ARL15: variants seen among roughly 807,000 people sequenced by gnomAD.
The protein encoded by ARL15 is ADP-ribosylation factor-like protein 15.
Under a neutral mutation model 25.2 loss-of-function variants are expected in ARL15, and 19 were observed. The ratio of observed to expected loss-of-function variants is 0.75; its 90% CI spans 0.53 to 1.10. The LOEUF is 1.10. ARL15 is among the 50% of genes least tolerant of loss of function. ARL15 has a pLI of 0.00. For synonymous variants in ARL15, 94 were observed against 86.8 expected (o/e 1.08, Z -0.46); for missense variants, 220 against 246.0 (o/e 0.89, Z 0.71).
chr5:54,137,266 A>T (rs1753632650), intron 3 of ARL15, among the ~76,000 whole-genome samples: 2 of 152,152 alleles, frequency 1.3e-5, no homozygotes, highest in Non-Finnish European at 2.9e-5. Context: ...GCCGTCCTGC[A>T]CTTGCCCCTT....
At position 54,114,406 on chromosome 5, in the gene ARL15, G is replaced by GAAAAAAA. The variant is rs1171369744; in HGVS notation, c.254-1003_254-997dup. ...GCAACACAGCAAGGCTCCATCTCAA[G>GAAAAAAA]AAAAAAAAAAAAAAAAGCAACACCA... is the stretch of plus-strand genomic sequence containing the variant. On this transcript the variant is annotated intron_variant, in intron 3 of 4. Transcript: ENST00000504924. Among the ~76,000 whole-genome samples, 5 of 74,478 alleles carry GAAAAAAA rather than the reference G, an allele frequency of 6.7e-5. 1 individual carries two copies. The highest frequency in any genetic ancestry group is 2.8e-4 in the African/African-American group (5 of 17,562). 48.9% of individuals were successfully genotyped at this position (74,478 alleles called of 152,430 possible).
intron 4 of ARL15, among the ~76,000 whole-genome samples, chr5:54,074,089 T>A (rs1203682042): frequency 2.6e-5 from 4 of 152,222 alleles, no homozygotes; most frequent in Non-Finnish European, 5.9e-5. Context: ...TTCTTCTAGC[T>A]CACCCATTTG....
At chr5:54,234,146 C>G (rs545437658) in intron 1 of ARL15, among the ~76,000 whole-genome samples, 2 of 152,172 alleles carry the variant, frequency 1.3e-5, no homozygotes, top group East Asian at 3.9e-4. Flanking sequence ...TAGGCGCGTG[C>G]CACCAAGCCC....
intron 4 of ARL15, among the ~76,000 whole-genome samples, chr5:54,043,911 G>A (rs1028074647): frequency 1.2e-4 from 18 of 151,886 alleles, no homozygotes; most frequent in Non-Finnish European, 2.4e-4. Flanking sequence ...CAGCTACTCA[G>A]GAGGCTGAGG....
At chr5:54,068,443 A>G (rs1452269291) in intron 4 of ARL15, among the ~76,000 whole-genome samples, 1 of 152,216 alleles carries the variant, frequency 6.6e-6, no homozygotes, top group Non-Finnish European at 1.5e-5. Context: ...CATTTGGACC[A>G]ATCTAGGTGA....
chr5:53,894,702 A>G (rs1744818081), intron 4 of ARL15, among the ~76,000 whole-genome samples: 1 of 152,136 alleles, frequency 6.6e-6, no homozygotes, highest in Non-Finnish European at 1.5e-5. Context: ...CTACAGCCTG[A>G]GGGATTCCTG....
At chr5:54,239,760 A>G (rs1756905452) in intron 1 of ARL15, among the ~76,000 whole-genome samples, 1 of 152,138 alleles carries the variant, frequency 6.6e-6, no homozygotes, top group South Asian at 2.1e-4. Flanking sequence ...TTGGACAATG[A>G]TGTTTAAGCC....
At chr5:54,102,505 A>C (rs1428340003) in intron 4 of ARL15, among the ~76,000 whole-genome samples, 1 of 152,164 alleles carries the variant, frequency 6.6e-6, no homozygotes, top group Non-Finnish European at 1.5e-5. Context: ...TTTTGTGCAT[A>C]TACATTGTAC....
At chr5:54,045,108 T>C (rs1438025010) in intron 4 of ARL15, among the ~76,000 whole-genome samples, 1 of 152,140 alleles carries the variant, frequency 6.6e-6, no homozygotes, top group Admixed American at 6.5e-5. Flanking sequence ...ACAGTCGAAA[T>C]GTGGTTCACT....
intron 4 of ARL15, among the ~76,000 whole-genome samples, chr5:53,986,431 T>G (rs1340520179): frequency 6.6e-6 from 1 of 152,220 alleles, no homozygotes; most frequent in African/African-American, 2.4e-5. Flanking sequence ...AGAGTTCAGA[T>G]CAGATGCCTC....
At chr5:54,052,208 G>A (rs185240340) in intron 4 of ARL15, among the ~76,000 whole-genome samples, 2 of 152,222 alleles carry the variant, frequency 1.3e-5, no homozygotes, top group East Asian at 1.9e-4. Flanking sequence ...AAAAGTAGAT[G>A]TAAGACATTA....
chr5:54,296,983 C>A (rs1029887870), intron 1 of ARL15, among the ~76,000 whole-genome samples: 3 of 152,196 alleles, frequency 2.0e-5, no homozygotes, highest in African/African-American at 4.8e-5. Flanking sequence ...GAGCAGTGTA[C>A]AGTAAGGATG....
chr5:54,170,899 C>T (rs78111154), intron 2 of ARL15, among the ~76,000 whole-genome samples: 1 of 152,240 alleles, frequency 6.6e-6, no homozygotes, highest in South Asian at 2.1e-4. Context: ...GGCTGATGAA[C>T]AATCTTTTCA....
intron 1 of ARL15, among the ~76,000 whole-genome samples, chr5:54,288,986 G>A (rs1461076897): frequency 6.6e-6 from 1 of 152,142 alleles, no homozygotes; most frequent in Non-Finnish European, 1.5e-5. Flanking sequence ...GGAAGTAAGA[G>A]GCCTGTCTCA....
chr5:54,160,112 C>A lies in ARL15; in HGVS notation c.194-5473G>T, dbSNP rs570169946. Among the ~76,000 whole-genome samples, 4 of 152,310 alleles carry A rather than the reference C, an allele frequency of 2.6e-5. No individual in the cohort carries two copies. The South Asian group carries it at 8.3e-4, about 32-fold the overall frequency. On this transcript the variant is annotated intron_variant, in intron 2 of 4. Transcript: ENST00000504924. ...CAGATCTGGTGGCTTTGACCTGCAC[C>A]AAGGGCATGATTTATGCCACAGCAG...
At chr5:54,271,762 C>T (rs971079439) in intron 1 of ARL15, among the ~76,000 whole-genome samples, 4 of 152,052 alleles carry the variant, frequency 2.6e-5, no homozygotes, top group Non-Finnish European at 4.4e-5. Context: ...AAGCATAAAA[C>T]CTCTCATTCA....
chr5:54,148,445 C>T (rs189619501), intron 3 of ARL15, among the ~76,000 whole-genome samples: 1 of 152,300 alleles, frequency 6.6e-6, no homozygotes, highest in East Asian at 1.9e-4. Context: ...ATCACTATTG[C>T]ATGGGCCGAA....
chr5:54,044,707 A>G (rs944403028), intron 4 of ARL15, among the ~76,000 whole-genome samples: 3 of 152,236 alleles, frequency 2.0e-5, no homozygotes, highest in African/African-American at 4.8e-5. Flanking sequence ...GCTAGTTTAA[A>G]TAACAGTTTT....
chr5:53,970,499 AGGG>A (rs1747708541), intron 4 of ARL15, among the ~76,000 whole-genome samples: 2 of 151,960 alleles, frequency 1.3e-5, no homozygotes, highest in African/African-American at 2.4e-5. Flanking sequence ...AGAGAGAGAG[AGGG>A]AGAGAGAGAG....
Sources: allele counts gnomAD v4.1 joint callset (sites outside exome capture counted in the v4.1 genomes callset), GRCh38; gene constraint gnomAD v4.1.1; transcripts MANE v1.5; gene names NCBI Gene and HGNC (gene_info 2026-07-23, HGNC 2026-07-21).